The following ETS1 variants were observed in gnomAD, a reference collection of about 807,000 sequenced individuals.
ETS1 encodes ETS proto-oncogene 1, transcription factor, also known as protein C-ets-1.
ETS1 carries 15 observed loss-of-function variants against 58.6 expected under a neutral mutation model. That is an observed-to-expected ratio of 0.26 (90% CI 0.17 to 0.39). The LOEUF is 0.39. ETS1 is among the 10% of genes least tolerant of loss of function. The pLI is 1.00. For synonymous variants in ETS1, 214 were observed against 218.2 expected, an observed-to-expected ratio of 0.98 and a Z score of 0.17; for missense variants, 417 against 610.5, an observed-to-expected ratio of 0.68 and a Z score of 3.34.
At position 128,549,721 on chromosome 11, in the gene ETS1, A is replaced by G. The variant is rs1337608476; in HGVS notation, c.214+6570T>C. Reference sequence around the variant, plus strand: ...CCGGGGACCTAAAGGGGTGATTTACATTTGTAAAGGCCTTTCCAAGCCCTC... The same window carrying G: ...CCGGGGACCTAAAGGGGTGATTTACGTTTGTAAAGGCCTTTCCAAGCCCTC... On this transcript the variant is annotated intron_variant, in intron 3 of 9. Coordinates refer to ENST00000392668, the MANE Select transcript of ETS1 (RefSeq NM_001143820.2). The surrounding 1 kb of genome is among the most constrained non-coding windows in gnomAD (Gnocchi z 4.3). Among the ~76,000 whole-genome samples, 2 of 152,038 alleles carry G rather than the reference A, an allele frequency of 1.3e-5. No individual in the cohort carries two copies. The highest frequency in any genetic ancestry group is 4.8e-5 in the African/African-American group (2 of 41,354).
intron 8 of ETS1, among the ~76,000 whole-genome samples, chr11:128,475,195 C>T (rs1363114269): frequency 6.6e-6 from 1 of 152,248 alleles, no homozygotes; most frequent in Non-Finnish European, 1.5e-5. Context: ...CCAAAAGTTT[C>T]CTCAGTTGTT....
At chr11:128,525,794 C>T (rs539105243) in intron 3 of ETS1, among the ~76,000 whole-genome samples, 3 of 152,250 alleles carry the variant, frequency 2.0e-5, no homozygotes, top group Admixed American at 1.3e-4. Context: ...CATTAAAAGT[C>T]ACACTAGGGA....
chr11:128,523,022 A>G (rs572713512), intron 3 of ETS1, among the ~76,000 whole-genome samples: 10 of 152,266 alleles, frequency 6.6e-5, no homozygotes, highest in East Asian at 5.8e-4. Context: ...TAAGCTTCCA[A>G]TTTACCTCCA....
In ETS1 at chr11:128,464,228, G is replaced by T. The variant is rs1289183669; in HGVS notation, c.1124-601C>A. On this transcript the variant is annotated intron_variant, in intron 8 of 9. Coordinates refer to ENST00000392668, the MANE Select transcript of ETS1 (RefSeq NM_001143820.2). The surrounding 1 kb of genome is among the most constrained non-coding windows in gnomAD (Gnocchi z 4.1). Reference sequence around the variant, plus strand: ...GCCCTTCCAGTCCACTTACAGGAAAGCACCCAAAGGAAAAAAAAAAAAAAG... The same window carrying T: ...GCCCTTCCAGTCCACTTACAGGAAATCACCCAAAGGAAAAAAAAAAAAAAG... Among the ~76,000 whole-genome samples the T allele has an allele frequency of 2.0e-5, 3 of 147,356 alleles. No homozygotes were observed. The highest frequency in any genetic ancestry group is 5.1e-5 in the African/African-American group (2 of 39,216).
rs1238055497 is a variant in ETS1, at chr11:128,468,933, C to T, written c.1124-5306G>A. On this transcript the variant is annotated intron_variant, in intron 8 of 9. Transcript: ENST00000392668. ...ACTATATCTTACTGAGCCATATATC[C>T]TCAATGCCAGGTATGATAGCTTGTC... Among the ~76,000 whole-genome samples the T allele has an allele frequency of 2.0e-5, 3 of 152,186 alleles. No individual in the cohort carries two copies. In the East Asian group the frequency reaches 5.8e-4, roughly 29 times the overall value.
chr11:128,472,086 C>T (rs1862201619), intron 8 of ETS1, among the ~76,000 whole-genome samples: 1 of 152,198 alleles, frequency 6.6e-6, no homozygotes, highest in South Asian at 2.1e-4. Context: ...ATATTAACAA[C>T]TGCATGGAGG....
intron 2 of ETS1, among the ~76,000 whole-genome samples, chr11:128,570,936 A>G (rs1014579052): frequency 1.3e-5 from 2 of 152,060 alleles, no homozygotes; most frequent in African/African-American, 2.4e-5. Flanking sequence ...TCTGATATAT[A>G]TTATCGTCTA....
intron 3 of ETS1, among the ~76,000 whole-genome samples, chr11:128,496,519 T>C (rs1272867369): frequency 6.6e-6 from 1 of 152,120 alleles, no homozygotes; most frequent in African/African-American, 2.4e-5. Flanking sequence ...TAAGGTGCCT[T>C]TACCCCTTCA....
intron 1 of ETS1, among the ~76,000 whole-genome samples, chr11:128,585,120 GAAAGAAGAAAGAAAGAAAA>G: frequency 5.8e-5 from 1 of 17,288 alleles, no homozygotes; most frequent in Non-Finnish European, 9.9e-5. Context: ...AGGAAGGAAA[GAAAGAAGAAAGAAAGAAAA>G]GAAAGAAAGA....
rs56003863 is a variant in ETS1, at chr11:128,490,721, T to C, written c.215-145A>G. The C allele has an allele frequency of 4.2e-4, 239 of 565,534 alleles. No individual in the cohort carries two copies. In the African/African-American group the frequency reaches 4.3e-3, roughly 10 times the overall value. The allele number at this position is 565,534 out of a possible 1,614,324, so 35.0% of individuals were successfully genotyped here. On this transcript the variant is annotated intron_variant, in intron 3 of 9. Coordinates refer to ENST00000392668, the MANE Select transcript of ETS1 (RefSeq NM_001143820.2). ...AGAGCACCAGAGCAGGCAATTTTTT[T>C]TTTTTTTTTTTTTTTGAGACGGAGT...
In ETS1 at chr11:128,506,314, TAGAGAG is replaced by T. The variant is rs373882962; in HGVS notation, c.215-15744_215-15739del. ...TCTCAATTTAAAAAAAAGTAAATGT[TAGAGAG>T]AGAAAGAGCTACTGGCCCACTGCTA... On this transcript the variant is annotated intron_variant, in intron 3 of 9. Coordinates refer to ENST00000392668, the MANE Select transcript of ETS1 (RefSeq NM_001143820.2). Among the ~76,000 whole-genome samples the T allele has an allele frequency of 2.0e-5, 3 of 152,184 alleles. No homozygotes were observed. The South Asian group carries it at 6.2e-4, about 32-fold the overall frequency.
chr11:128,521,505 C>G (rs1241195910), intron 3 of ETS1, among the ~76,000 whole-genome samples: 2 of 152,184 alleles, frequency 1.3e-5, no homozygotes, highest in African/African-American at 4.8e-5. Context: ...TCCACCCAGC[C>G]TCAGTTCTAT....
rs1862731390 is a variant in ETS1, at chr11:128,489,339, T to C, written c.486A>G (p.Pro162=). The change falls in exon 5 of 10, where the codon CCA becomes CCG. Residue 162 remains proline (P), a synonymous_variant. Transcript: ENST00000392668. ...CCCATAAGATGTCCCCAACAAAGTC[T>C]GGGGCCAGCTCGAGAAAGCAGTCTT... ...LGKDCFLELA[P]DFVGDILWEH... 1 of 1,614,076 alleles carries C rather than the reference T, an allele frequency of 6.2e-7. No individual in the cohort carries two copies. The highest frequency in any genetic ancestry group is 1.3e-5 in the African/African-American group (1 of 74,928).
chr11:128,521,931 C>G (rs1443143191), intron 3 of ETS1: 1 of 1,605,998 alleles, frequency 6.2e-7, no homozygotes. Flanking sequence ...GGGAAAAGCT[C>G]CAGATCGACT....
chr11:128,511,253 T>C (rs1001020947), intron 3 of ETS1, among the ~76,000 whole-genome samples: 3 of 152,186 alleles, frequency 2.0e-5, no homozygotes, highest in African/African-American at 7.2e-5. Flanking sequence ...CAATGTGCCT[T>C]ATAGTTCAGA....
At chr11:128,548,768 G>A (rs927405854) in intron 3 of ETS1, among the ~76,000 whole-genome samples, 7 of 152,324 alleles carry the variant, frequency 4.6e-5, no homozygotes, top group Admixed American at 2.0e-4. Flanking sequence ...GCTCCGGGCC[G>A]GCTTCGCCTG....
rs146497529 is a variant in ETS1 at position 128,482,633 on chromosome 11, C to T, written c.863-2182G>A. Among the ~76,000 whole-genome samples the T allele has an allele frequency of 4.4e-3, 665 of 152,288 alleles. 3 individuals carry two copies. Among genetic ancestry groups the T allele is most frequent in the African/African-American group, 0.015 (632 of 41,558 alleles). On this transcript the variant is annotated intron_variant, in intron 7 of 9. Transcript: ENST00000392668. ...GTGGTTTACAGCGGTAGGCAGCTTT[C>T]ATTTTAGCTCGATTTCACAACCCTG...
At position 128,540,012 on chromosome 11, in the gene ETS1, T is replaced by C. The variant is rs532414363; in HGVS notation, c.214+16279A>G. On this transcript the variant is annotated intron_variant, in intron 3 of 9. Coordinates refer to ENST00000392668, the MANE Select transcript of ETS1 (RefSeq NM_001143820.2). ...CTGCTAATGGATATAAGATTTCTGT[T>C]AAGAAGAATAAAAATGTTGCTGGGC... Among the ~76,000 whole-genome samples, 8 of 152,288 alleles carry C rather than the reference T, an allele frequency of 5.3e-5. No individual in the cohort carries two copies. The South Asian group carries it at 1.7e-3, about 32-fold the overall frequency.
intron 3 of ETS1, among the ~76,000 whole-genome samples, chr11:128,532,846 TCCCAACAATTAG>T (rs1433464618): frequency 6.6e-6 from 1 of 152,132 alleles, no homozygotes; most frequent in Non-Finnish European, 1.5e-5. Context: ...CCCTGCTTTT[TCCCAACAATTAG>T]CCCTGCAAAA....
Sources: gnomAD v4.1 joint callset for allele counts (sites outside exome capture counted in the v4.1 genomes callset) on GRCh38, gnomAD v4.1.1 for gene constraint, Gnocchi (gnomAD v3.1) non-coding constraint, MANE v1.5 for transcripts, NCBI Gene and HGNC (gene_info 2026-07-23, HGNC 2026-07-21) for gene names.